TSPAN31: variants seen among roughly 807,000 people sequenced by gnomAD.
The protein encoded by TSPAN31 is tetraspanin-31.
TSPAN31 carries 16 observed loss-of-function variants against 24.8 expected under a neutral mutation model. The ratio of observed to expected loss-of-function variants is 0.64; its 90% CI spans 0.44 to 0.98. The LOEUF (loss-of-function observed/expected upper bound fraction) is 0.98. Among genes scored for constraint, TSPAN31 ranks in the 50% least tolerant of loss-of-function variants. The pLI is 0.00. For synonymous variants in TSPAN31, 87 were observed against 91.4 expected, an observed-to-expected ratio of 0.95 and a Z score of 0.27; for missense variants, 209 against 251.6, an observed-to-expected ratio of 0.83 and a Z score of 1.15.
intron 4 of TSPAN31, 49 bp from the exon 5 acceptor site, chr12:57,746,969 C>G (rs777260639): frequency 9.1e-6 from 14 of 1,542,140 alleles, no homozygotes; most frequent in African/African-American, 1.4e-5. Context: ...GTATTAGTCA[C>G]TAGCAACTTT....
At chr12:57,745,279 G>A (rs1014655129) in intron 1 of TSPAN31, 62 bp downstream of exon 1, 2 of 1,551,408 alleles carry the variant, frequency 1.3e-6, no homozygotes, top group African/African-American at 1.4e-5. Context: ...GAATCTCTAG[G>A]GTACTTCCGG....
Position 57,745,780 on chromosome 12 carries a change from G to C in TSPAN31, c.99G>C (p.Trp33Cys), listed in dbSNP as rs772344690. 6.2e-7 allele frequency: 1 copy of C among 1,613,550 alleles called. No homozygotes were observed. The highest frequency in any genetic ancestry group is 8.5e-7 in the Non-Finnish European group (1 of 1,179,908). The change falls in exon 2 of 6, where the codon TGG (tryptophan) becomes TGC (cysteine). Residue 33 changes from tryptophan (W) to cysteine (C), a missense_variant. By Grantham distance (215) the Trp-to-Cys change is radical (BLOSUM62 -2). Coordinates refer to ENST00000257910, the MANE Select transcript of TSPAN31 (RefSeq NM_005981.5). ...TGTTGCTCATTGGAGTGGCTGCTTG[G>C]GGCAAGGGCCTGGGTCTGGTGTCCA... The part of the protein sequence containing the change: ...VSLLLIGVAA[W>C]GKGLGLVSSI...
chr12:57,748,316 A>G lies in TSPAN31; in HGVS notation c.*1026A>G, dbSNP rs1336872901. ...GGTAGGGAAAGGGACAAGAGGGAAC[A>G]TACCCCTTAGTGTAGAGAAATGGGA... On this transcript the variant is annotated 3_prime_UTR_variant, in exon 6 of 6. Coordinates refer to ENST00000257910, the MANE Select transcript of TSPAN31 (RefSeq NM_005981.5). The G allele has an allele frequency of 8.4e-6, 5 of 596,670 alleles. No individual in the cohort carries two copies. The highest frequency in any genetic ancestry group is 2.6e-5 in the Admixed American group (1 of 38,894). 37.0% of individuals were successfully genotyped at this position (596,670 alleles called of 1,614,324 possible).
rs1281026594 is a variant in TSPAN31, at chr12:57,747,367, T to C, written c.*77T>C. 1.9e-5 allele frequency: 26 copies of C among 1,401,884 alleles called. No individual in the cohort carries two copies. The highest frequency in any genetic ancestry group is 2.5e-5 in the Non-Finnish European group (25 of 1,011,386). The allele number at this position is 1,401,884 out of a possible 1,614,324, so 86.8% of individuals were successfully genotyped here. A position where few individuals can be genotyped will look rare whatever the true frequency, so the allele number is the denominator to read the frequency against. On this transcript the variant is annotated 3_prime_UTR_variant, in exon 6 of 6. Coordinates refer to ENST00000257910, the MANE Select transcript of TSPAN31 (RefSeq NM_005981.5). ...TCCCTTAGGGAATATCTAGGGTCTGTAACCGTTTTGGTTTGAGAAAAAGGA... is the reference window on the plus strand; with the variant it reads ...TCCCTTAGGGAATATCTAGGGTCTGCAACCGTTTTGGTTTGAGAAAAAGGA...
At position 57,745,108 on chromosome 12, in the gene TSPAN31, C is replaced by T; in HGVS notation, c.-47C>T. On this transcript the variant is annotated 5_prime_UTR_variant, in exon 1 of 6. Transcript: ENST00000257910. The stretch of plus-strand genomic sequence containing the variant: ...GGTCCTGGAAGACGGTCCCCAATAC[C>T]CTCCCCCCAAGTCCTTGGGACCACT... 4 of 1,548,536 alleles carry T rather than the reference C, an allele frequency of 2.6e-6. No homozygotes were observed. The highest frequency in any genetic ancestry group is 3.5e-6 in the Non-Finnish European group (4 of 1,139,136).
chr12:57,749,781 G>A lies in TSPAN31; in HGVS notation c.*2491G>A. 1 of 500,380 alleles carries A rather than the reference G, an allele frequency of 2.0e-6. No individual in the cohort carries two copies. The highest frequency in any genetic ancestry group is 3.6e-5 in the East Asian group (1 of 27,638). The allele number at this position is 500,380 out of a possible 1,614,324, so 31.0% of individuals were successfully genotyped here. On this transcript the variant is annotated 3_prime_UTR_variant, in exon 6 of 6. Transcript: ENST00000257910. ...TGGGAGTCTGATGTGGGTGGATCAT[G>A]AGGTCAAGAGATCGAGACCATCCTG...
chr12:57,746,261 G>A lies in TSPAN31; in HGVS notation c.312+5G>A, dbSNP rs1190373164. 6.2e-7 allele frequency: 1 copy of A among 1,612,694 alleles called. No homozygotes were observed. The highest frequency in any genetic ancestry group is 1.7e-5 in the Admixed American group (1 of 60,026). On this transcript the variant is annotated splice_donor_5th_base_variant and intron_variant, in intron 3 of 5. Coordinates refer to ENST00000257910, the MANE Select transcript of TSPAN31 (RefSeq NM_005981.5). Reference sequence around the variant, plus strand: ...GCTATTAACCGAAGCAAACAGGTAAGACAGTACCCTTTCAAGTACTTACTT... The same window carrying A: ...GCTATTAACCGAAGCAAACAGGTAAAACAGTACCCTTTCAAGTACTTACTT...
intron 1 of TSPAN31, chr12:57,745,422 G>T (rs1955135129): frequency 1.6e-6 from 1 of 630,576 alleles, no homozygotes; most frequent in Non-Finnish European, 2.7e-6. Flanking sequence ...GTGGGGGAAT[G>T]AACTGAAGGC....
Position 57,748,895 on chromosome 12 carries a change from G to T in TSPAN31, c.*1605G>T. 1.8e-6 allele frequency: 1 copy of T among 543,930 alleles called. No homozygotes were observed. The highest frequency in any genetic ancestry group is 3.3e-6 in the Non-Finnish European group (1 of 303,988). The allele number at this position is 543,930 out of a possible 1,614,324, so 33.7% of individuals were successfully genotyped here. The stretch of plus-strand genomic sequence containing the variant: ...TTATTTTTGTACTTTTAGTAGAGAC[G>T]AGGTTTCACCATGTTGGCCAGGCTG... On this transcript the variant is annotated 3_prime_UTR_variant, in exon 6 of 6. Coordinates refer to ENST00000257910, the MANE Select transcript of TSPAN31 (RefSeq NM_005981.5).
chr12:57,748,967 A>G lies in TSPAN31; in HGVS notation c.*1677A>G. On this transcript the variant is annotated 3_prime_UTR_variant, in exon 6 of 6. Transcript: ENST00000257910. ...GTGATACGCCCACCTTGGCCTCCCA[A>G]AGTGCTGGGATTACAGGCGTGAGCC... The G allele has an allele frequency of 1.6e-6, 1 of 640,502 alleles. No homozygotes were observed. The highest frequency in any genetic ancestry group is 1.9e-5 in the South Asian group (1 of 52,856). 39.7% of individuals were successfully genotyped at this position (640,502 alleles called of 1,614,324 possible).
chr12:57,745,287 C>T (rs2140376771), intron 1 of TSPAN31, 70 bp downstream of exon 1: 2 of 1,528,884 alleles, frequency 1.3e-6, no homozygotes, highest in East Asian at 2.4e-5. Context: ...AGGGTACTTC[C>T]GGTGGGGAGA....
In TSPAN31 at chr12:57,748,132, C is replaced by T; in HGVS notation, c.*842C>T. ...TGACTTCCTAGGCCCTGTAATTTAA[C>T]CAGTCTTTAAGGTTTTGCAGGAAAG... On this transcript the variant is annotated 3_prime_UTR_variant, in exon 6 of 6. Transcript: ENST00000257910. 1 of 322,522 alleles carries T rather than the reference C, an allele frequency of 3.1e-6. No homozygotes were observed. The highest frequency in any genetic ancestry group is 5.8e-6 in the Non-Finnish European group (1 of 172,408). 20.0% of individuals were successfully genotyped at this position (322,522 alleles called of 1,614,324 possible). A position where few individuals can be genotyped will look rare whatever the true frequency, so the allele number is the denominator to read the frequency against.
Position 57,745,726 on chromosome 12 carries a change from T to C in TSPAN31, c.64-19T>C. 1.2e-6 allele frequency: 2 copies of C among 1,613,962 alleles called. No homozygotes were observed. Among genetic ancestry groups the C allele is most frequent in the Non-Finnish European group, 1.7e-6 (2 of 1,179,964 alleles). ...CGCATGCTAGAATTGTTGAGATGTATCCTGCTCTTTCTTCGTAGCTGGTGA... is the reference window on the plus strand; with the variant it reads ...CGCATGCTAGAATTGTTGAGATGTACCCTGCTCTTTCTTCGTAGCTGGTGA... On this transcript the variant is annotated intron_variant, in intron 1 of 5. Transcript: ENST00000257910.
chr12:57,745,976 G>A (rs1955143751), intron 2 of TSPAN31, 64 bp downstream of exon 2: 1 of 1,545,238 alleles, frequency 6.5e-7, no homozygotes, highest in Non-Finnish European at 8.7e-7. Context: ...TAAGGAAGAT[G>A]TTAGAAGGGT....
In TSPAN31 at chr12:57,747,979, T is replaced by G. The variant is rs186719311; in HGVS notation, c.*689T>G. The G allele has an allele frequency of 2.4e-4, 50 of 212,128 alleles. No individual in the cohort carries two copies. Among genetic ancestry groups the G allele is most frequent in the African/African-American group, 1.1e-3 (47 of 43,484 alleles). 13.1% of individuals were successfully genotyped at this position (212,128 alleles called of 1,614,324 possible). A position where few individuals can be genotyped will look rare whatever the true frequency, so the allele number is the denominator to read the frequency against. On this transcript the variant is annotated 3_prime_UTR_variant, in exon 6 of 6. Transcript: ENST00000257910. ...CTGGTCTCGAACTCCTGACCTCAGG[T>G]GATCCACCCGCGTTGGCCTCCCAAC...
At chr12:57,746,953 G>A in intron 4 of TSPAN31, 65 bp from the exon 5 acceptor site, 1 of 1,455,514 alleles carries the variant, frequency 6.9e-7, no homozygotes, top group Non-Finnish European at 9.6e-7. Context: ...GGGACATTCG[G>A]CATAGGTATT....
chr12:57,745,459 C>T lies in TSPAN31; in HGVS notation c.63+242C>T, dbSNP rs575168133. On this transcript the variant is annotated intron_variant, in intron 1 of 5. Coordinates refer to ENST00000257910, the MANE Select transcript of TSPAN31 (RefSeq NM_005981.5). ...GTGGGCGTAAGTTCCATACCTCCTT[C>T]CTGTGAACCTCAGTTTCTTCCAAAC... The T allele has an allele frequency of 8.9e-5, 53 of 598,790 alleles. 1 individual carries two copies. Among genetic ancestry groups the T allele is most frequent in the South Asian group, 8.0e-4 (39 of 48,904 alleles). The allele number at this position is 598,790 out of a possible 1,614,324, so 37.1% of individuals were successfully genotyped here.
Position 57,749,087 on chromosome 12 carries a change from G to A in TSPAN31, c.*1797G>A, listed in dbSNP as rs1955197005. On this transcript the variant is annotated 3_prime_UTR_variant, in exon 6 of 6. Coordinates refer to ENST00000257910, the MANE Select transcript of TSPAN31 (RefSeq NM_005981.5). ...AAACTACAGCCCATCTACCAACCAA[G>A]TTTCATTAACCACAGTGGCCAGGGC... The A allele has an allele frequency of 1.3e-6, 2 of 1,499,094 alleles. No individual in the cohort carries two copies. Among genetic ancestry groups the A allele is most frequent in the Non-Finnish European group, 9.3e-7 (1 of 1,075,302 alleles). The allele number at this position is 1,499,094 out of a possible 1,614,324, so 92.9% of individuals were successfully genotyped here.
rs190652926 is a variant in TSPAN31 at position 57,745,987 on chromosome 12, A to C, written c.231+75A>C. 493 of 1,527,704 alleles carry C rather than the reference A, an allele frequency of 3.2e-4. No individual in the cohort carries two copies. In the African/African-American group the frequency reaches 5.8e-3, roughly 18 times the overall value. 94.6% of individuals were successfully genotyped at this position (1,527,704 alleles called of 1,614,324 possible). On this transcript the variant is annotated intron_variant, in intron 2 of 5. Transcript: ENST00000257910. ...CATCTAAGGAAGATGTTAGAAGGGT[A>C]GGGGACCTCAGGGATCTTGGACACG... is the stretch of plus-strand genomic sequence containing the variant.
Sources: allele counts gnomAD v4.1 joint callset, GRCh38; gene constraint gnomAD v4.1.1; transcripts MANE v1.5; gene names NCBI Gene and HGNC (gene_info 2026-07-23, HGNC 2026-07-21).